ANO7: variants seen among roughly 807,000 people sequenced by gnomAD.
The protein encoded by ANO7 is anoctamin-7.
Under a neutral mutation model 115.8 loss-of-function variants are expected in ANO7, and 114 were observed. The observed-to-expected ratio is 0.98, with a 90% confidence interval of 0.85 to 1.15. ANO7 has a LOEUF of 1.15. Ranked by LOEUF, ANO7 falls within the 50% of genes most tolerant of loss-of-function variation. ANO7 has a pLI of 0.00. For synonymous variants in ANO7, 550 were observed against 498.2 expected (o/e 1.10, Z -1.38); for missense variants, 1,302 against 1,201.2 (o/e 1.08, Z -1.24).
chr2:241,219,814 A>G (rs1214470470), intron 21 of ANO7, among the ~76,000 whole-genome samples: 1 of 151,292 alleles, frequency 6.6e-6, no homozygotes, highest in East Asian at 1.9e-4. Context: ...CCTGGCCTCA[A>G]GCAATGCCCT....
rs940269263 is a variant in ANO7, at chr2:241,203,729, C to T, written c.889+231C>T. Among the ~76,000 whole-genome samples the T allele has an allele frequency of 5.3e-5, 8 of 152,226 alleles. No individual in the cohort carries two copies. The South Asian group carries it at 1.5e-3, about 28-fold the overall frequency. On this transcript the variant is annotated intron_variant, in intron 9 of 24. Coordinates refer to ENST00000674324, the MANE Select transcript of ANO7 (RefSeq NM_001370694.2). The surrounding 1 kb of genome is among the most constrained non-coding windows in gnomAD (Gnocchi z 4.8). ...GCCTCCTAATGCTCCAGTAACAGTG[C>T]TGAGAGCCGCTTCTGCTGGTGGGGG...
chr2:241,232,426 C>G, the ANO7 span, among the ~76,000 whole-genome samples: 7 of 152,272 alleles, frequency 4.6e-5, no homozygotes, highest in South Asian at 1.5e-3. Flanking sequence ...CAGGTGCACG[C>G]GACCACGCCT....
downstream of ANO7, chr2:241,229,458 G>A (rs1386815339): frequency 3.1e-6 from 2 of 641,660 alleles, no homozygotes; most frequent in African/African-American, 3.7e-5. Context: ...ACAGCCAGGC[G>A]CTAGGCTCCC....
chr2:241,236,773 G>C, the ANO7 span: 175,134 of 1,612,712 alleles, frequency 0.11, 10,299 homozygotes, highest in Middle Eastern at 0.16. Context: ...CTGTGAACTA[G>C]AGAGAAAGGG....
rs1483222564 is a variant in ANO7, at chr2:241,192,676, G to A, written c.166+1425G>A. On this transcript the variant is annotated intron_variant, in intron 3 of 24. Coordinates refer to ENST00000674324, the MANE Select transcript of ANO7 (RefSeq NM_001370694.2). ...CCATATCAAGGTGGAAGCCATCCAC[G>A]TGTCCACCTACAGATGACTAGATAA... is the stretch of plus-strand genomic sequence containing the variant. 2.2e-4 allele frequency among the ~76,000 whole-genome samples: 33 copies of A among 152,170 alleles called. 1 individual carries two copies. Among genetic ancestry groups the A allele is most frequent in the Admixed American group, 2.0e-3 (30 of 15,278 alleles).
At chr2:241,193,258 C>A (rs1416272679) in intron 3 of ANO7, among the ~76,000 whole-genome samples, 1 of 151,934 alleles carries the variant, frequency 6.6e-6, no homozygotes, top group Non-Finnish European at 1.5e-5. Flanking sequence ...GTAGTAGAGA[C>A]GGGGTTTCGC....
At chr2:241,189,363 G>A (rs140765011) in intron 1 of ANO7, among the ~76,000 whole-genome samples, 65 of 152,296 alleles carry the variant, frequency 4.3e-4, no homozygotes, top group African/African-American at 1.3e-3. Context: ...CACACCCTCC[G>A]GTCATCGTCG....
Position 241,212,067 on chromosome 2 carries a change from A to G in ANO7, c.1562-27A>G, listed in dbSNP as rs369131941. The G allele has an allele frequency of 2.5e-6, 4 of 1,604,698 alleles. No individual in the cohort carries two copies. In the African/African-American group the frequency reaches 5.4e-5, roughly 21 times the overall value. ...TTGGATGCTGGTGACTCCCCCAGGG[A>G]CTGAGCCCAGGCTCTCCATGCCACA... On this transcript the variant is annotated intron_variant, in intron 15 of 24. Coordinates refer to ENST00000674324, the MANE Select transcript of ANO7 (RefSeq NM_001370694.2).
downstream of ANO7, among the ~76,000 whole-genome samples, chr2:241,226,912 C>A (rs1184701639): frequency 6.6e-6 from 1 of 152,194 alleles, no homozygotes; most frequent in Non-Finnish European, 1.5e-5. Context: ...CGCCCGCACC[C>A]CCCACCACCC....
At chr2:241,195,658 C>A in intron 3 of ANO7, 45 bp from the exon 4 acceptor site, 2 of 1,594,238 alleles carry the variant, frequency 1.3e-6, no homozygotes, top group Non-Finnish European at 1.7e-6. Context: ...GGGCCGGCCA[C>A]TGCCACTTAG....
rs753371074 is a variant in ANO7 at position 241,199,360 on chromosome 2, C to CA, written c.355dup (p.Ser119LysfsTer72). The stretch of plus-strand genomic sequence containing the variant: ...ACACCACAGTGCACTACGCCCTCCT[C>CA]AGCGCCTCCTGGGCTGTGCTCTGCT... On this transcript the variant is annotated frameshift_variant, in exon 5 of 25. Coordinates refer to ENST00000674324, the MANE Select transcript of ANO7 (RefSeq NM_001370694.2). LOFTEE classifies it high-confidence loss of function. 37 of 1,613,718 alleles carry CA rather than the reference C, an allele frequency of 2.3e-5. No homozygotes were observed. The highest frequency in any genetic ancestry group is 3.1e-5 in the Non-Finnish European group (37 of 1,180,040).
At chr2:241,215,749 C>A (rs772198867) in intron 18 of ANO7, among the ~76,000 whole-genome samples, 1 of 152,238 alleles carries the variant, frequency 6.6e-6, no homozygotes, top group East Asian at 1.9e-4. Context: ...ACACCACAGT[C>A]GTCCTCGTCC....
chr2:241,199,663 T>C (rs1439054222), intron 5 of ANO7, among the ~76,000 whole-genome samples: 1 of 152,194 alleles, frequency 6.6e-6, no homozygotes, highest in African/African-American at 2.4e-5. Flanking sequence ...TGCACTGAGC[T>C]GGCCCCTCCA....
chr2:241,232,965 A>G, the ANO7 span, among the ~76,000 whole-genome samples: 1 of 151,286 alleles, frequency 6.6e-6, no homozygotes. Context: ...TCCAAAAGGG[A>G]ACAAGAAGCT....
At chr2:241,236,500 C>A in the ANO7 span, 3,224 of 1,037,212 alleles carry the variant, frequency 3.1e-3, 47 homozygotes, top group South Asian at 0.027. Flanking sequence ...AAGAGGGCTA[C>A]CTCCACTGCC....
chr2:241,229,787 C>CCCCCCCCCCCCCCG, downstream of ANO7: 2 of 1,137,646 alleles, frequency 1.8e-6, no homozygotes, highest in Non-Finnish European at 1.3e-6. Context: ...CCCGCCTGCC[C>CCCCCCCCCCCCCCG]GCCCACCCTC....
At chr2:241,229,849 G>T, downstream of ANO7, 1 of 1,578,688 alleles carries the variant, frequency 6.3e-7, no homozygotes, top group African/African-American at 1.3e-5. Context: ...ACTGCTGCTG[G>T]CGGTCCAGGG....
intron 17 of ANO7, 33 bp downstream of exon 17, chr2:241,212,659 G>T: frequency 6.3e-7 from 1 of 1,596,882 alleles, no homozygotes; most frequent in South Asian, 1.1e-5. Context: ...ACTGGGGGAT[G>T]AGCTGTGTGC....
Position 241,216,128 on chromosome 2 carries a change from G to T in ANO7, c.1862G>T (p.Arg621Leu), listed in dbSNP as rs545708893. The part of the protein sequence containing the change: ...LKGWWQKFRL[R>L]SKKRKAGASA... ...GGCTGGTGGCAGAAGTTCCGGCTTC[G>T]CTCCAAGAAGAGGAAGGCGGGAGCT... is the stretch of plus-strand genomic sequence containing the variant. The change falls in exon 19 of 25, where the codon CGC (arginine) becomes CTC (leucine). Residue 621 changes from arginine (R) to leucine (L), a missense_variant. By Grantham distance (102) the Arg-to-Leu change is moderately radical (BLOSUM62 -2). Transcript: ENST00000674324. 1.1e-5 allele frequency: 17 copies of T among 1,612,604 alleles called. No individual in the cohort carries two copies. The East Asian group carries it at 3.6e-4, about 34-fold the overall frequency.
Sources: allele counts gnomAD v4.1 joint callset (sites outside exome capture counted in the v4.1 genomes callset), GRCh38; gene constraint gnomAD v4.1.1; non-coding constraint Gnocchi (gnomAD v3.1); transcripts MANE v1.5; gene names NCBI Gene and HGNC (gene_info 2026-07-23, HGNC 2026-07-21).